Variants in SUPT3H observed in about 807,000 individuals in gnomAD.
SUPT3H encodes SPT3 homolog, SAGA and STAGA complex component.
Under a neutral mutation model 44.3 loss-of-function variants are expected in SUPT3H, and 44 were observed. The observed-to-expected ratio is 0.99, with a 90% CI of 0.78 to 1.28. The LOEUF is 1.28. Ranked by LOEUF, SUPT3H falls within the 50% of genes most tolerant of loss-of-function variation. The pLI is 0.00. For missense variants in SUPT3H, 380 were observed against 387.1 expected, an observed-to-expected ratio of 0.98 and a Z score of 0.15; for synonymous variants, 124 against 125.6, an observed-to-expected ratio of 0.99 and a Z score of 0.09.
chr6:45,159,327 T>C (rs1808547578), intron 2 of SUPT3H: 1 of 152,216 alleles, frequency 6.6e-6, no homozygotes, highest in Non-Finnish European at 1.5e-5. Context: ...CTCAAATTAC[T>C]TATCATGAAG....
chr6:44,886,492 C>T (rs539603022), intron 10 of SUPT3H, among the ~76,000 whole-genome samples: 14 of 152,174 alleles, frequency 9.2e-5, no homozygotes, highest in African/African-American at 3.4e-4. Flanking sequence ...AACTTTCAAC[C>T]CAGAATTTCA....
chr6:45,213,989 C>T (rs537433781), intron 2 of SUPT3H, among the ~76,000 whole-genome samples: 42 of 91,166 alleles, frequency 4.6e-4, no homozygotes, highest in Admixed American at 1.2e-3. Flanking sequence ...TAATAACACT[C>T]GAAAGCCTTT....
chr6:45,211,170 T>C (rs10456543), intron 2 of SUPT3H, among the ~76,000 whole-genome samples: 34,550 of 152,134 alleles, frequency 0.23, 4,605 homozygotes, highest in Non-Finnish European at 0.31. Context: ...ATAACAAGTA[T>C]AAAAGTTACA....
chr6:45,041,979 G>A (rs556342180), intron 3 of SUPT3H, among the ~76,000 whole-genome samples: 7 of 152,214 alleles, frequency 4.6e-5, no homozygotes, highest in Non-Finnish European at 7.4e-5. Context: ...TGTGCAGCAC[G>A]TCTTCCAGAA....
chr6:45,305,716 G>A (rs951118679), intron 2 of SUPT3H, among the ~76,000 whole-genome samples: 6 of 152,098 alleles, frequency 3.9e-5, no homozygotes, highest in Non-Finnish European at 7.3e-5. Flanking sequence ...CATCACCAAC[G>A]ACAGAGTAGA....
At chr6:45,263,084 G>A (rs192448454) in intron 2 of SUPT3H, among the ~76,000 whole-genome samples, 20 of 152,182 alleles carry the variant, frequency 1.3e-4, no homozygotes, top group Admixed American at 1.0e-3. Context: ...GAGATTTCTC[G>A]AAGAAGTTAA....
rs1449789543 is a variant in SUPT3H, at chr6:45,095,467, TC to T, written c.186+10454del. On this transcript the variant is annotated intron_variant, in intron 3 of 10. Coordinates refer to ENST00000371459, the MANE Select transcript of SUPT3H (RefSeq NM_003599.4). This position sits in a 1 kb window ranked among gnomAD's most constrained non-coding sequence, Gnocchi z 4.1. ...TGAATTCAGTGCATTTTAATCCAGA[TC>T]GGAGATTAAGCCATAACTCTTCACA... is the stretch of plus-strand genomic sequence containing the variant. Among the ~76,000 whole-genome samples, 5 of 144,572 alleles carry T rather than the reference TC, an allele frequency of 3.5e-5. No individual in the cohort carries two copies. The highest frequency in any genetic ancestry group is 2.2e-4 in the East Asian group (1 of 4,612). The allele number at this position is 144,572 out of a possible 152,430, so 94.8% of individuals were successfully genotyped here. A position where few individuals can be genotyped will look rare whatever the true frequency, so the allele number is the denominator to read the frequency against.
intron 10 of SUPT3H, among the ~76,000 whole-genome samples, chr6:44,900,931 G>A (rs1314933087): frequency 1.3e-5 from 2 of 152,164 alleles, no homozygotes; most frequent in Non-Finnish European, 2.9e-5. Flanking sequence ...TGGACCTCCA[G>A]CAAACGCCAA....
chr6:44,878,416 C>CT (rs1244265170), intron 10 of SUPT3H, among the ~76,000 whole-genome samples: 1 of 151,336 alleles, frequency 6.6e-6, no homozygotes, highest in African/African-American at 2.4e-5. Flanking sequence ...TGAGATAGGC[C>CT]TTTTTTTGGA....
chr6:44,914,173 T>C (rs547224017), intron 10 of SUPT3H, among the ~76,000 whole-genome samples: 2 of 152,332 alleles, frequency 1.3e-5, no homozygotes, highest in South Asian at 4.1e-4. Flanking sequence ...ATTAAATGTT[T>C]TATACATATT....
At chr6:45,218,656 C>A (rs1210340852) in intron 2 of SUPT3H, among the ~76,000 whole-genome samples, 1 of 152,214 alleles carries the variant, frequency 6.6e-6, no homozygotes, top group Non-Finnish European at 1.5e-5. Flanking sequence ...ATCACTTGAA[C>A]CTGGGAGGCG....
At chr6:44,966,631 A>C (rs2153480173) in intron 6 of SUPT3H, among the ~76,000 whole-genome samples, 1 of 152,272 alleles carries the variant, frequency 6.6e-6, no homozygotes, top group Non-Finnish European at 1.5e-5. Context: ...CTCAGAAAAC[A>C]GTTACTATTC....
chr6:45,288,599 GTATATATATATA>G (rs1423721314), intron 2 of SUPT3H, among the ~76,000 whole-genome samples: 31 of 32,422 alleles, frequency 9.6e-4, no homozygotes, highest in South Asian at 2.5e-3. Flanking sequence ...ATATATATGT[GTATATATATATA>G]TGTATATATA....
intron 2 of SUPT3H, among the ~76,000 whole-genome samples, chr6:45,211,052 G>T (rs1358387203): frequency 6.6e-6 from 1 of 152,054 alleles, no homozygotes; most frequent in Admixed American, 6.6e-5. Context: ...AGGAGCATGG[G>T]AAAAGGTGTT....
intron 2 of SUPT3H, among the ~76,000 whole-genome samples, chr6:45,188,051 A>G (rs1814537018): frequency 6.6e-6 from 1 of 152,246 alleles, no homozygotes; most frequent in Non-Finnish European, 1.5e-5. Context: ...AAGCCTGTAC[A>G]CACTTCTATA....
At chr6:45,061,477 T>C (rs1480202078) in intron 3 of SUPT3H, among the ~76,000 whole-genome samples, 1 of 152,046 alleles carries the variant, frequency 6.6e-6, no homozygotes, top group Non-Finnish European at 1.5e-5. Context: ...TCAGGAAGAA[T>C]AGCTAATGCA....
chr6:45,331,188 T>C (rs1787435682), intron 2 of SUPT3H, among the ~76,000 whole-genome samples: 1 of 151,930 alleles, frequency 6.6e-6, no homozygotes, highest in Non-Finnish European at 1.5e-5. Context: ...CTCAGCATAC[T>C]TCACTTTGAG....
chr6:45,160,078 A>C (rs1808685782), intron 2 of SUPT3H, among the ~76,000 whole-genome samples: 1 of 152,212 alleles, frequency 6.6e-6, no homozygotes, highest in Non-Finnish European at 1.5e-5. Flanking sequence ...GAACTAATAT[A>C]AAGCATAGCA....
At chr6:45,260,969 C>A (rs913525205) in intron 2 of SUPT3H, among the ~76,000 whole-genome samples, 6 of 152,094 alleles carry the variant, frequency 3.9e-5, no homozygotes, top group Non-Finnish European at 7.4e-5. Context: ...AAACTGCCCA[C>A]AGTATACTAC....
Sources: allele counts gnomAD v4.1 joint callset (sites outside exome capture counted in the v4.1 genomes callset), GRCh38; gene constraint gnomAD v4.1.1; non-coding constraint Gnocchi (gnomAD v3.1); transcripts MANE v1.5; gene names NCBI Gene and HGNC (gene_info 2026-07-23, HGNC 2026-07-21).